Variants in UBE2J1 observed in about 807,000 individuals in gnomAD.
The protein encoded by UBE2J1 is ubiquitin conjugating enzyme E2 J1.
In UBE2J1, 17 loss-of-function variants were observed where a neutral mutation model predicts 42.1. The ratio of observed to expected loss-of-function variants is 0.40; its 90% CI spans 0.28 to 0.61. The LOEUF (loss-of-function observed/expected upper bound fraction) is 0.61. Among genes scored for constraint, UBE2J1 ranks in the 20% least tolerant of loss-of-function variants. The probability of loss-of-function intolerance (pLI) is 0.38; values close to 1 mark genes in which losing one functional copy is unlikely to be tolerated. For synonymous variants in UBE2J1, 127 were observed against 137.2 expected (o/e 0.93, Z 0.52); for missense variants, 291 against 389.4 (o/e 0.75, Z 2.13).
chr6:89,335,811 TATA>T (rs946505055), intron 5 of UBE2J1, among the ~76,000 whole-genome samples: 13 of 152,062 alleles, frequency 8.5e-5, no homozygotes, highest in Admixed American at 7.8e-4. Flanking sequence ...TTAGCAGAAA[TATA>T]TATAAAGCAG....
rs1767945885 is a variant in UBE2J1 at position 89,328,498 on chromosome 6, T to G, written c.*1181A>C. 6.6e-6 allele frequency: 1 copy of G among 152,196 alleles called. No homozygotes were observed. Among genetic ancestry groups the G allele is most frequent in the African/African-American group, 2.4e-5 (1 of 41,460 alleles). The allele number at this position is 152,196 out of a possible 1,614,324, so 9.4% of individuals were successfully genotyped here. A position where few individuals can be genotyped will look rare whatever the true frequency, so the allele number is the denominator to read the frequency against. ...GAACCACCTGTATTTAAAAATTAAA[T>G]CTTCATTAACAACACCCTCAAGAGT... is the stretch of plus-strand genomic sequence containing the variant. On this transcript the variant is annotated 3_prime_UTR_variant, in exon 8 of 8. Transcript: ENST00000435041.
At chr6:89,343,559 T>C (rs1249298782) in intron 2 of UBE2J1, 124 bp downstream of exon 2, 12 of 541,614 alleles carry the variant, frequency 2.2e-5, no homozygotes, top group South Asian at 6.7e-5. Flanking sequence ...TCATGAAATA[T>C]GGTGAATAAA....
At position 89,329,449 on chromosome 6, in the gene UBE2J1, C is replaced by A; in HGVS notation, c.*230G>T. The A allele has an allele frequency of 3.9e-6, 2 of 511,360 alleles. No homozygotes were observed. Among genetic ancestry groups the A allele is most frequent in the South Asian group, 2.7e-5 (1 of 37,458 alleles). The allele number at this position is 511,360 out of a possible 1,614,324, so 31.7% of individuals were successfully genotyped here. ...AAAAACAAGTTATTTCCCTGCAAAG[C>A]AGATCAAATAGTGAGACAAGGAACT... On this transcript the variant is annotated 3_prime_UTR_variant, in exon 8 of 8. Transcript: ENST00000435041.
At chr6:89,335,939 T>TA (rs1177413639) in intron 5 of UBE2J1, among the ~76,000 whole-genome samples, 4 of 152,208 alleles carry the variant, frequency 2.6e-5, no homozygotes, top group Non-Finnish European at 4.4e-5. Context: ...TCCAAAGACT[T>TA]AATTTATTGC....
chr6:89,338,308 T>G lies in UBE2J1; in HGVS notation c.325A>C (p.Arg109=). Residue 109 remains arginine, a splice_region_variant and synonymous_variant, in exon 5 of 8, where the codon AGG becomes CGG. Transcript: ENST00000435041. ...PETWQPSWSI[R]TALLAIIGFM... ...CCAATGATGGCTAATAATGCTGTCCTTACTGAAATAAAAAAGTAAATATCA... is the reference window on the plus strand; with the variant it reads ...CCAATGATGGCTAATAATGCTGTCCGTACTGAAATAAAAAAGTAAATATCA... 1 of 1,610,892 alleles carries G rather than the reference T, an allele frequency of 6.2e-7. No individual in the cohort carries two copies. Among genetic ancestry groups the G allele is most frequent in the Non-Finnish European group, 8.5e-7 (1 of 1,178,810 alleles).
intron 1 of UBE2J1, among the ~76,000 whole-genome samples, chr6:89,345,302 G>A (rs146992150): frequency 1.3e-5 from 2 of 152,266 alleles, no homozygotes; most frequent in African/African-American, 2.4e-5. Context: ...CAAGACTTTT[G>A]CATAAAATTG....
intron 1 of UBE2J1, among the ~76,000 whole-genome samples, chr6:89,347,113 C>T (rs1426013468): frequency 6.6e-6 from 1 of 152,142 alleles, no homozygotes; most frequent in Non-Finnish European, 1.5e-5. Context: ...ACAGGTGAAA[C>T]AAAAACCACA....
chr6:89,350,183 T>A (rs775722627), intron 1 of UBE2J1, among the ~76,000 whole-genome samples: 61 of 152,076 alleles, frequency 4.0e-4, no homozygotes, highest in Middle Eastern at 6.8e-3. Context: ...AATGAAAAAA[T>A]TTACTATATC....
At chr6:89,330,282 T>G (rs1767986642) in intron 7 of UBE2J1, among the ~76,000 whole-genome samples, 1 of 152,106 alleles carries the variant, frequency 6.6e-6, no homozygotes, top group African/African-American at 2.4e-5. Context: ...TTTAATTAGG[T>G]TCCTATGTTT....
intron 7 of UBE2J1, among the ~76,000 whole-genome samples, 192 bp from the exon 8 acceptor site, chr6:89,330,149 G>A (rs911606160): frequency 1.3e-5 from 2 of 152,080 alleles, no homozygotes; most frequent in Non-Finnish European, 2.9e-5. Context: ...TCATAAGTTA[G>A]GACAGCTTTT....
At position 89,352,631 on chromosome 6, in the gene UBE2J1, C is replaced by A; in HGVS notation, c.-62G>T. 1 of 1,493,554 alleles carries A rather than the reference C, an allele frequency of 6.7e-7. No individual in the cohort carries two copies. The highest frequency in any genetic ancestry group is 1.3e-5 in the South Asian group (1 of 79,968). 92.5% of individuals were successfully genotyped at this position (1,493,554 alleles called of 1,614,324 possible). On this transcript the variant is annotated 5_prime_UTR_variant, in exon 1 of 8. Transcript: ENST00000435041. ...CTGCCACCTCCTCTCCACGCGGCCG[C>A]TGCCCGGGTCTCAGCGCGGCTCGGG...
chr6:89,349,303 G>A (rs554710257), intron 1 of UBE2J1, among the ~76,000 whole-genome samples: 1 of 152,308 alleles, frequency 6.6e-6, no homozygotes, highest in East Asian at 1.9e-4. Flanking sequence ...TCAATCATGA[G>A]CAGCCCTGTA....
In UBE2J1 at chr6:89,328,365, C is replaced by A. The variant is rs1409605414; in HGVS notation, c.*1314G>T. 1 of 152,218 alleles carries A rather than the reference C, an allele frequency of 6.6e-6. No homozygotes were observed. The highest frequency in any genetic ancestry group is 1.9e-4 in the East Asian group (1 of 5,202). 9.4% of individuals were successfully genotyped at this position (152,218 alleles called of 1,614,324 possible). On this transcript the variant is annotated 3_prime_UTR_variant, in exon 8 of 8. Transcript: ENST00000435041. ...TATTCAAGATATACATATGGGCTAA[C>A]TTTCGTGGACCGATCTAGAACCTAA...
rs1250607628 is a variant in UBE2J1, at chr6:89,328,608, T to G, written c.*1071A>C. 6.6e-6 allele frequency: 1 copy of G among 152,342 alleles called. No individual in the cohort carries two copies. Among genetic ancestry groups the G allele is most frequent in the South Asian group, 2.1e-4 (1 of 4,832 alleles). The allele number at this position is 152,342 out of a possible 1,614,324, so 9.4% of individuals were successfully genotyped here. On this transcript the variant is annotated 3_prime_UTR_variant, in exon 8 of 8. Coordinates refer to ENST00000435041, the MANE Select transcript of UBE2J1 (RefSeq NM_016021.3). ...TCACCAGCCATTATGATGATAATAT[T>G]ATCTACTAGAGTCTGTGGCGCTAGC... is the stretch of plus-strand genomic sequence containing the variant.
In UBE2J1 at chr6:89,342,323, C is replaced by G; in HGVS notation, c.237+1G>C. 1 of 1,613,866 alleles carries G rather than the reference C, an allele frequency of 6.2e-7. No individual in the cohort carries two copies. The highest frequency in any genetic ancestry group is 8.5e-7 in the Non-Finnish European group (1 of 1,179,906). Reference sequence around the variant, plus strand: ...GCACTCTAAAAATCCAAAATTCTTACCGTTAGGAGAATAATGCTTGGTGGT... The same window carrying G: ...GCACTCTAAAAATCCAAAATTCTTAGCGTTAGGAGAATAATGCTTGGTGGT... On this transcript the variant is annotated splice_donor_variant, in intron 3 of 7. Coordinates refer to ENST00000435041, the MANE Select transcript of UBE2J1 (RefSeq NM_016021.3). LOFTEE classifies it high-confidence loss of function.
Position 89,328,362 on chromosome 6 carries a change from T to C in UBE2J1, c.*1317A>G, listed in dbSNP as rs1394681016. On this transcript the variant is annotated 3_prime_UTR_variant, in exon 8 of 8. Transcript: ENST00000435041. ...TACTATTCAAGATATACATATGGGC[T>C]AACTTTCGTGGACCGATCTAGAACC... is the stretch of plus-strand genomic sequence containing the variant. 1 of 152,258 alleles carries C rather than the reference T, an allele frequency of 6.6e-6. No individual in the cohort carries two copies. Among genetic ancestry groups the C allele is most frequent in the African/African-American group, 2.4e-5 (1 of 41,466 alleles). 9.4% of individuals were successfully genotyped at this position (152,258 alleles called of 1,614,324 possible).
rs1767956515 is a variant in UBE2J1 at position 89,329,083 on chromosome 6, G to A, written c.*596C>T. On this transcript the variant is annotated 3_prime_UTR_variant, in exon 8 of 8. Coordinates refer to ENST00000435041, the MANE Select transcript of UBE2J1 (RefSeq NM_016021.3). ...GTACTCCCTCTTCAAGTAGCATCCA[G>A]TGACAAAGATGTGATCTCATTTCCT... 1 of 152,630 alleles carries A rather than the reference G, an allele frequency of 6.6e-6. No individual in the cohort carries two copies. Among genetic ancestry groups the A allele is most frequent in the Non-Finnish European group, 1.5e-5 (1 of 68,400 alleles). The allele number at this position is 152,630 out of a possible 1,614,324, so 9.5% of individuals were successfully genotyped here.
Position 89,329,855 on chromosome 6 carries a change from TCTG to T in UBE2J1, c.778_780del (p.Gln260del). The T allele has an allele frequency of 6.2e-7, 1 of 1,614,126 alleles. No individual in the cohort carries two copies. Among genetic ancestry groups the T allele is most frequent in the East Asian group, 2.2e-5 (1 of 44,884 alleles). ...GGTGAAGTAGACAACCTTCTCTGAC[TCTG>T]CTGCTGGGCCCGGCGCTGTCGAGGG... On this transcript the variant is annotated inframe_deletion, in exon 8 of 8. Transcript: ENST00000435041.
chr6:89,341,619 G>A (rs1768247799), intron 3 of UBE2J1, among the ~76,000 whole-genome samples: 1 of 152,120 alleles, frequency 6.6e-6, no homozygotes, highest in Non-Finnish European at 1.5e-5. Context: ...AGCTACTCAG[G>A]AGGCTGAGGT....
Sources: gnomAD v4.1 joint callset for allele counts (sites outside exome capture counted in the v4.1 genomes callset) on GRCh38, gnomAD v4.1.1 for gene constraint, MANE v1.5 for transcripts, NCBI Gene and HGNC (gene_info 2026-07-23, HGNC 2026-07-21) for gene names.